Variants in CPVL observed in about 807,000 individuals in gnomAD.
The protein encoded by CPVL is carboxypeptidase vitellogenic like, also known as probable serine carboxypeptidase CPVL.
A neutral mutation model predicts 63.7 loss-of-function variants in CPVL; 51 were observed. The observed-to-expected ratio is 0.80, with a 90% CI of 0.64 to 1.01. CPVL has a LOEUF of 1.01. Among genes scored for constraint, CPVL ranks in the 50% least tolerant of loss-of-function variants. The probability of loss-of-function intolerance (pLI) is 0.00; values close to 1 mark genes in which losing one functional copy is unlikely to be tolerated. For synonymous variants in CPVL, 195 were observed against 206.0 expected, an observed-to-expected ratio of 0.95 and a Z score of 0.46; for missense variants, 530 against 573.1, an observed-to-expected ratio of 0.92 and a Z score of 0.77.
chr7:29,130,766 T>C (rs1790604122), intron 1 of CPVL, among the ~76,000 whole-genome samples: 1 of 152,226 alleles, frequency 6.6e-6, no homozygotes, highest in Admixed American at 6.5e-5. Flanking sequence ...TCAATGCAAC[T>C]GTTGATAAAA....
intron 1 of CPVL, among the ~76,000 whole-genome samples, chr7:29,138,408 C>T (rs1791471222): frequency 6.6e-6 from 1 of 152,162 alleles, no homozygotes; most frequent in South Asian, 2.1e-4. Flanking sequence ...CTGCTGCACT[C>T]CAGCCTGGGC....
intron 1 of CPVL, among the ~76,000 whole-genome samples, chr7:29,124,785 C>G (rs1318591673): frequency 6.6e-6 from 1 of 151,774 alleles, no homozygotes; most frequent in Non-Finnish European, 1.5e-5. Context: ...TTATTTAATA[C>G]TTCTTAATAA....
rs78183120 is a variant in CPVL at position 29,033,512 on chromosome 7, A to C, written c.1138-2753T>G. ...CCCCGGTAGGGTGACCAACTGTCCC[A>C]GTTTGCCCTGGACAGGAGTTGCCCA... On this transcript the variant is annotated intron_variant, in intron 11 of 12. Coordinates refer to ENST00000265394, the MANE Select transcript of CPVL (RefSeq NM_031311.5). 0.019 allele frequency among the ~76,000 whole-genome samples: 2,940 copies of C among 152,336 alleles called. 133 individuals carry two copies. In the East Asian group the frequency reaches 0.2, roughly 10 times the overall value.
intron 11 of CPVL, among the ~76,000 whole-genome samples, chr7:29,056,480 T>C (rs1790743291): frequency 1.3e-5 from 2 of 152,226 alleles, no homozygotes; most frequent in African/African-American, 4.8e-5. Flanking sequence ...CTCAGAAATA[T>C]GCATTTAAGT....
At chr7:29,097,216 T>C (rs1172734585) in intron 3 of CPVL, among the ~76,000 whole-genome samples, 9 of 148,430 alleles carry the variant, frequency 6.1e-5, no homozygotes. Flanking sequence ...CTGGCCGTAG[T>C]GTCAATACCA....
chr7:29,140,838 G>C (rs1584380614), intron 1 of CPVL, among the ~76,000 whole-genome samples: 1 of 152,060 alleles, frequency 6.6e-6, no homozygotes, highest in Non-Finnish European at 1.5e-5. Flanking sequence ...AGATTGATGG[G>C]GTAAAACAAA....
At chr7:29,049,147 G>A (rs1352714679) in intron 11 of CPVL, among the ~76,000 whole-genome samples, 1 of 151,036 alleles carries the variant, frequency 6.6e-6, no homozygotes, top group Non-Finnish European at 1.5e-5. Context: ...CCCAAACCCA[G>A]CAGAAGAAAG....
intron 11 of CPVL, among the ~76,000 whole-genome samples, chr7:29,056,629 T>G (rs192641089): frequency 6.6e-6 from 1 of 152,240 alleles, no homozygotes; most frequent in Non-Finnish European, 1.5e-5. Flanking sequence ...TGAATAAAGC[T>G]GTTATAAATA....
intron 5 of CPVL, among the ~76,000 whole-genome samples, chr7:29,176,768 A>C (rs1797402796): frequency 6.6e-6 from 1 of 152,238 alleles, no homozygotes; most frequent in Non-Finnish European, 1.5e-5. Flanking sequence ...GGTGTTTAAA[A>C]AACGAGATTG....
intron 3 of CPVL, among the ~76,000 whole-genome samples, chr7:29,106,854 A>G (rs1461164412): frequency 2.6e-5 from 4 of 152,166 alleles, no homozygotes; most frequent in Admixed American, 1.3e-4. Context: ...CCAAAACTTA[A>G]TGGCTTAAGA....
chr7:29,137,155 G>A (rs993617638), intron 1 of CPVL, among the ~76,000 whole-genome samples: 6 of 152,096 alleles, frequency 3.9e-5, no homozygotes, highest in African/African-American at 1.2e-4. Context: ...CCTGGGGTTC[G>A]CCATCTCATG....
At chr7:29,185,494 G>C (rs915111237) in intron 3 of CPVL, 1 of 151,946 alleles carries the variant, frequency 6.6e-6, no homozygotes, top group African/African-American at 2.4e-5. Context: ...CAAAAACATG[G>C]AGCAACATTA....
chr7:29,083,090 A>G (rs1159642551), intron 7 of CPVL, among the ~76,000 whole-genome samples: 1 of 152,218 alleles, frequency 6.6e-6, no homozygotes, highest in African/African-American at 2.4e-5. Context: ...ACTGGCTTAA[A>G]AAAACCTAAA....
intron 11 of CPVL, among the ~76,000 whole-genome samples, chr7:29,036,559 C>A (rs1286638823): frequency 6.6e-6 from 1 of 152,174 alleles, no homozygotes; most frequent in Non-Finnish European, 1.5e-5. Context: ...TATATTCAAG[C>A]TCTCGAAATA....
chr7:29,047,573 T>C (rs1477530139), intron 11 of CPVL, among the ~76,000 whole-genome samples: 1 of 152,176 alleles, frequency 6.6e-6, no homozygotes, highest in Non-Finnish European at 1.5e-5. Flanking sequence ...ATAATCGGTG[T>C]TCCTGAGAAA....
intron 12 of CPVL, among the ~76,000 whole-genome samples, chr7:29,006,890 C>T (rs567717894): frequency 6.9e-6 from 1 of 145,190 alleles, no homozygotes; most frequent in African/African-American, 2.6e-5. Context: ...TTTCTCTACC[C>T]TACTCCATCT....
At chr7:29,056,944 C>CTTT (rs1410962539) in intron 11 of CPVL, among the ~76,000 whole-genome samples, 1 of 97,324 alleles carries the variant, frequency 1.0e-5, no homozygotes, top group Non-Finnish European at 2.2e-5. Flanking sequence ...ACATCTTTTC[C>CTTT]TTTTCTTTTT....
chr7:29,064,270 T>C (rs1782929975), intron 10 of CPVL, 36 bp from the exon 11 acceptor site: 1 of 1,350,110 alleles, frequency 7.4e-7, no homozygotes, highest in Non-Finnish European at 1.1e-6. Flanking sequence ...ATAGGGAACA[T>C]GATTGGTGGC....
In CPVL at chr7:29,057,402, T is replaced by C. The variant is rs547945468; in HGVS notation, c.1137+6659A>G. Reference sequence around the variant, plus strand: ...AAAATATATTTTGGTTAACAGTCCATTATCGGATGTGTCTTTTGCAAATAT... The same window carrying C: ...AAAATATATTTTGGTTAACAGTCCACTATCGGATGTGTCTTTTGCAAATAT... On this transcript the variant is annotated intron_variant, in intron 11 of 12. Transcript: ENST00000265394. 3.3e-5 allele frequency among the ~76,000 whole-genome samples: 5 copies of C among 152,352 alleles called. No individual in the cohort carries two copies. The East Asian group carries it at 5.8e-4, about 18-fold the overall frequency.
Sources: allele counts gnomAD v4.1 joint callset (sites outside exome capture counted in the v4.1 genomes callset), GRCh38; gene constraint gnomAD v4.1.1; transcripts MANE v1.5; gene names NCBI Gene and HGNC (gene_info 2026-07-23, HGNC 2026-07-21).